Variants in CDK14 observed in about 807,000 individuals in gnomAD.
The protein encoded by CDK14 is cyclin dependent kinase 14, also known as cyclin-dependent kinase 14.
Under a neutral mutation model 60.7 loss-of-function variants are expected in CDK14, and 34 were observed. That is an observed-to-expected ratio of 0.56 (90% CI 0.43 to 0.75). The LOEUF (loss-of-function observed/expected upper bound fraction) is 0.75, where lower values mean the gene tolerates loss of function less well. Ranked by LOEUF, CDK14 falls within the 30% of genes least tolerant of loss-of-function variation. The pLI is 0.00. For synonymous variants in CDK14, 197 were observed against 203.7 expected (o/e 0.97, Z 0.28); for missense variants, 482 against 564.1 (o/e 0.85, Z 1.47).
At chr7:90,656,183 A>C (rs953658395) in intron 2 of CDK14, among the ~76,000 whole-genome samples, 1 of 152,118 alleles carries the variant, frequency 6.6e-6, no homozygotes, top group Non-Finnish European at 1.5e-5. Context: ...TGGCTTCCTC[A>C]TATGGGGTAT....
chr7:91,120,343 A>T (rs961009907), intron 14 of CDK14, among the ~76,000 whole-genome samples: 1 of 152,210 alleles, frequency 6.6e-6, no homozygotes, highest in African/African-American at 2.4e-5. Flanking sequence ...AGATTTTTTT[A>T]AAAGGTGCTC....
chr7:90,910,181 A>G (rs1475985492), intron 7 of CDK14, among the ~76,000 whole-genome samples: 2 of 152,192 alleles, frequency 1.3e-5, no homozygotes, highest in African/African-American at 2.4e-5. Flanking sequence ...ATATCTCTGT[A>G]TAACCGTCTA....
chr7:90,958,601 G>A (rs190775624), intron 9 of CDK14, among the ~76,000 whole-genome samples: 1 of 152,034 alleles, frequency 6.6e-6, no homozygotes, highest in Admixed American at 6.6e-5. Context: ...TACATAATTA[G>A]TGTAATGGCA....
At position 90,993,607 on chromosome 7, in the gene CDK14, C is replaced by T. The variant is rs557702961; in HGVS notation, c.1041+9366C>T. Among the ~76,000 whole-genome samples, 3 of 152,080 alleles carry T rather than the reference C, an allele frequency of 2.0e-5. No individual in the cohort carries two copies. The South Asian group carries it at 6.2e-4, about 32-fold the overall frequency. ...GATTTTATGATCTGCATGATTCCTACGTGAAAGGGAGTGGGGTATGGCTGG... is the reference window on the plus strand; with the variant it reads ...GATTTTATGATCTGCATGATTCCTATGTGAAAGGGAGTGGGGTATGGCTGG... On this transcript the variant is annotated intron_variant, in intron 10 of 14. Coordinates refer to ENST00000380050, the MANE Select transcript of CDK14 (RefSeq NM_001287135.2).
intron 5 of CDK14, among the ~76,000 whole-genome samples, chr7:90,818,399 G>A (rs1789430274): frequency 6.6e-6 from 1 of 152,144 alleles, no homozygotes; most frequent in Non-Finnish European, 1.5e-5. Context: ...CTGAAAATGG[G>A]AAAACATGAA....
intron 2 of CDK14, among the ~76,000 whole-genome samples, chr7:90,624,972 A>G (rs576620304): frequency 6.6e-6 from 1 of 152,276 alleles, no homozygotes; most frequent in South Asian, 2.1e-4. Flanking sequence ...GGATGCTAAT[A>G]ATACTTAGCT....
chr7:90,843,397 C>A (rs975302554), intron 5 of CDK14, among the ~76,000 whole-genome samples: 1 of 151,998 alleles, frequency 6.6e-6, no homozygotes, highest in African/African-American at 2.4e-5. Flanking sequence ...TTATTTTATT[C>A]ATTAAAATTA....
intron 4 of CDK14, among the ~76,000 whole-genome samples, chr7:90,782,457 T>G (rs1018072279): frequency 6.6e-6 from 1 of 152,186 alleles, no homozygotes; most frequent in African/African-American, 2.4e-5. Context: ...AATTTAAACA[T>G]ACTTTATATC....
chr7:91,152,060 C>T (rs1410457054), intron 14 of CDK14, among the ~76,000 whole-genome samples: 1 of 152,212 alleles, frequency 6.6e-6, no homozygotes, highest in Non-Finnish European at 1.5e-5. Flanking sequence ...GTAAACCAGT[C>T]ATACTTTCCT....
chr7:90,618,441 A>G (rs919117748), intron 2 of CDK14, among the ~76,000 whole-genome samples: 1 of 151,976 alleles, frequency 6.6e-6, no homozygotes, highest in Non-Finnish European at 1.5e-5. Context: ...GTTCTTTCTG[A>G]AAACACCTTG....
At chr7:91,062,121 C>T (rs908981939) in intron 11 of CDK14, among the ~76,000 whole-genome samples, 2 of 152,104 alleles carry the variant, frequency 1.3e-5, no homozygotes, top group African/African-American at 4.8e-5. Context: ...CCCCCAGCCT[C>T]GCTGCCACCT....
intron 11 of CDK14, among the ~76,000 whole-genome samples, chr7:91,062,367 A>G (rs1409041188): frequency 6.6e-6 from 1 of 152,072 alleles, no homozygotes; most frequent in Non-Finnish European, 1.5e-5. Context: ...TGATGCCTCT[A>G]CCTGCTTCGG....
chr7:90,848,156 C>T (rs962210183), intron 5 of CDK14, among the ~76,000 whole-genome samples: 7 of 152,022 alleles, frequency 4.6e-5, no homozygotes, highest in Admixed American at 1.3e-4. Context: ...GGCTGAAGTG[C>T]GGTGACATGA....
intron 5 of CDK14, among the ~76,000 whole-genome samples, chr7:90,816,218 C>T (rs2117061495): frequency 6.6e-6 from 1 of 152,256 alleles, no homozygotes. Flanking sequence ...CAGAGAAAGA[C>T]ATAACTGCCA....
At chr7:90,991,668 T>G (rs750554531) in intron 10 of CDK14, among the ~76,000 whole-genome samples, 15 of 152,186 alleles carry the variant, frequency 9.9e-5, no homozygotes, top group South Asian at 4.1e-4. Context: ...TAAATGCTTT[T>G]AGCCCAGAGG....
chr7:90,614,765 T>C (rs879417922), intron 2 of CDK14, among the ~76,000 whole-genome samples: 9 of 152,146 alleles, frequency 5.9e-5, no homozygotes, highest in Non-Finnish European at 1.2e-4. Context: ...AGTTTTATTT[T>C]ATTAACTCTT....
chr7:91,155,360 A>G (rs568498417), intron 14 of CDK14, among the ~76,000 whole-genome samples: 27 of 152,378 alleles, frequency 1.8e-4, no homozygotes, highest in Non-Finnish European at 3.5e-4. Context: ...ATTCTAGTTA[A>G]TAAATGAAAG....
chr7:90,874,502 C>CTTTT (rs1791482420), intron 6 of CDK14, among the ~76,000 whole-genome samples: 1 of 81,574 alleles, frequency 1.2e-5, no homozygotes. Context: ...GTCCTTTCAT[C>CTTTT]CTTTTTTTTT....
At chr7:90,909,131 G>C (rs1161559308) in intron 7 of CDK14, among the ~76,000 whole-genome samples, 1 of 152,134 alleles carries the variant, frequency 6.6e-6, no homozygotes, top group African/African-American at 2.4e-5. Flanking sequence ...AAATTGAGTA[G>C]GAAGACCTAC....
Sources: gnomAD v4.1 joint callset for allele counts (sites outside exome capture counted in the v4.1 genomes callset) on GRCh38, gnomAD v4.1.1 for gene constraint, MANE v1.5 for transcripts, NCBI Gene and HGNC (gene_info 2026-07-23, HGNC 2026-07-21) for gene names.